The following CTPS2 variants were observed in gnomAD, a reference collection of about 807,000 sequenced individuals.
CTPS2 encodes the protein CTP synthase II.
Under a neutral mutation model 46.8 loss-of-function variants are expected in CTPS2, and 19 were observed. That is an observed-to-expected ratio of 0.41 (90% confidence interval 0.28 to 0.60). CTPS2 has a LOEUF of 0.60. Among genes scored for constraint, CTPS2 ranks in the 20% least tolerant of loss-of-function variants. CTPS2 has a pLI of 0.35. For synonymous variants in CTPS2, 151 were observed against 165.2 expected, an observed-to-expected ratio of 0.91 and a Z score of 0.66; for missense variants, 286 against 447.6, an observed-to-expected ratio of 0.64 and a Z score of 3.26.
chrX:16,700,199 C>A (rs1478932694), intron 2 of CTPS2, among the ~76,000 whole-genome samples: 2 of 107,441 alleles, frequency 1.9e-5, no homozygotes, highest in African/African-American at 6.8e-5. Flanking sequence ...TCACTGCAAC[C>A]TCTGACTCCC....
chrX:16,699,943 G>GT (rs1440191834), intron 2 of CTPS2, among the ~76,000 whole-genome samples: 35 of 100,916 alleles, frequency 3.5e-4, no homozygotes, highest in African/African-American at 9.3e-4. Flanking sequence ...TTTTTTCAAT[G>GT]TTTTTTTTTG....
chrX:16,658,220 A>C (rs1437181741), intron 13 of CTPS2, among the ~76,000 whole-genome samples: 1 of 110,492 alleles, frequency 9.1e-6, no homozygotes, highest in Non-Finnish European at 1.9e-5. Flanking sequence ...CAAAAAAAAA[A>C]AAAGGTGATT....
intron 17 of CTPS2, among the ~76,000 whole-genome samples, chrX:16,603,590 T>C (rs1245866741): frequency 1.9e-5 from 2 of 102,979 alleles, no homozygotes; most frequent in African/African-American, 7.4e-5. Flanking sequence ...TATATATCTA[T>C]ATAGATAGAT....
At chrX:16,698,879 A>C in intron 3 of CTPS2, 44 bp downstream of exon 3, 1 of 1,135,174 alleles carries the variant, frequency 8.8e-7, no homozygotes, top group Non-Finnish European at 1.2e-6. Flanking sequence ...CAGTACAAAG[A>C]TATTCAGCAC....
chrX:16,628,223 A>G (rs1569201687), intron 14 of CTPS2, among the ~76,000 whole-genome samples: 1 of 111,391 alleles, frequency 9.0e-6, no homozygotes, highest in African/African-American at 3.3e-5. Flanking sequence ...TTTAGTATCT[A>G]AACTCCTCCC....
chrX:16,661,946 A>G (rs1398352103), intron 13 of CTPS2, among the ~76,000 whole-genome samples: 1 of 108,417 alleles, frequency 9.2e-6, no homozygotes, highest in Non-Finnish European at 1.9e-5. Flanking sequence ...AAATGCTTAG[A>G]GTTAAGCACA....
chrX:16,680,064 AGCCGCTGCAGCTG>A (rs1922612148), intron 9 of CTPS2, among the ~76,000 whole-genome samples: 1 of 111,353 alleles, frequency 9.0e-6, no homozygotes, highest in African/African-American at 3.3e-5. Context: ...CCAGCCCGGA[AGCCGCTGCAGCTG>A]CAGCAAACCA....
chrX:16,662,674 G>A (rs1932994000), intron 13 of CTPS2, among the ~76,000 whole-genome samples: 1 of 105,668 alleles, frequency 9.5e-6, no homozygotes, highest in Non-Finnish European at 1.9e-5. Context: ...GGTGCTTGCT[G>A]CCTTATGATT....
chrX:16,615,469 A>G (rs371928346), intron 16 of CTPS2, among the ~76,000 whole-genome samples: 1 of 112,151 alleles, frequency 8.9e-6, no homozygotes. Flanking sequence ...CCAAAGCAAG[A>G]AGGTCACTGT....
intron 10 of CTPS2, among the ~76,000 whole-genome samples, chrX:16,674,701 G>C (rs753457091): frequency 1.9e-5 from 2 of 106,867 alleles, no homozygotes; most frequent in African/African-American, 3.5e-5. Flanking sequence ...AGCCGGGCGT[G>C]GTGGCAGGCG....
At chrX:16,616,968 T>C (rs1356876926) in intron 16 of CTPS2, among the ~76,000 whole-genome samples, 182 bp downstream of exon 16, 1 of 112,130 alleles carries the variant, frequency 8.9e-6, no homozygotes, top group African/African-American at 3.2e-5. Flanking sequence ...GTGCTGGGAT[T>C]ACAGGCGTGA....
chrX:16,674,655 G>A (rs1184261025), intron 10 of CTPS2, among the ~76,000 whole-genome samples: 409 of 104,316 alleles, frequency 3.9e-3, no homozygotes, highest in Non-Finnish European at 6.0e-3. Context: ...TGGCTAACAC[G>A]GTGAAACCCC....
chrX:16,603,999 C>A (rs1929829684), intron 17 of CTPS2, among the ~76,000 whole-genome samples: 1 of 111,368 alleles, frequency 9.0e-6, no homozygotes, highest in Non-Finnish European at 1.9e-5. Flanking sequence ...ACGGAAGGAA[C>A]TGGCTTCAGG....
At chrX:16,662,800 T>C (rs1377009040) in intron 13 of CTPS2, among the ~76,000 whole-genome samples, 2 of 109,664 alleles carry the variant, frequency 1.8e-5, no homozygotes, top group Non-Finnish European at 3.8e-5. Context: ...AGACGTTCAA[T>C]AGCAATTAGC....
chrX:16,675,483 T>C (rs1922192727), intron 10 of CTPS2, among the ~76,000 whole-genome samples: 1 of 111,988 alleles, frequency 8.9e-6, no homozygotes, highest in Non-Finnish European at 1.9e-5. Context: ...TTTGGCTTTC[T>C]TTGGGCTGTA....
At position 16,693,370 on chromosome X, in the gene CTPS2, C is replaced by A; in HGVS notation, c.555+1G>T. On this transcript the variant is annotated splice_donor_variant, in intron 5 of 18. Coordinates refer to ENST00000359276, the MANE Select transcript of CTPS2 (RefSeq NM_175859.3). LOFTEE classifies it high-confidence loss of function. ...TCCACATACTTATCTGGAAAGCCCA[C>A]CTGTGGGACAAGGCTAACGTGGATA... 8.5e-7 allele frequency: 1 copy of A among 1,182,146 alleles called. No individual in the cohort carries two copies. The highest frequency in any genetic ancestry group is 1.2e-6 in the Non-Finnish European group (1 of 868,825).
At chrX:16,681,702 C>T (rs746973373) in intron 9 of CTPS2, among the ~76,000 whole-genome samples, 13 of 110,606 alleles carry the variant, frequency 1.2e-4, no homozygotes, top group Non-Finnish European at 2.3e-4. Context: ...CATGCCACCA[C>T]ACCCGGCTAA....
intron 17 of CTPS2, among the ~76,000 whole-genome samples, chrX:16,591,200 A>G (rs759439243): frequency 8.9e-6 from 1 of 112,161 alleles, no homozygotes; most frequent in African/African-American, 3.2e-5. Flanking sequence ...TTGAAAGTAG[A>G]TTGCCTTCCT....
At chrX:16,650,747 G>A (rs972885228) in intron 13 of CTPS2, among the ~76,000 whole-genome samples, 1 of 110,186 alleles carries the variant, frequency 9.1e-6, no homozygotes, top group Non-Finnish European at 1.9e-5. Flanking sequence ...CTGACTTCAA[G>A]TGATCCACCC....
Sources: gnomAD v4.1 joint callset for allele counts (sites outside exome capture counted in the v4.1 genomes callset) on GRCh38, gnomAD v4.1.1 for gene constraint, MANE v1.5 for transcripts, NCBI Gene and HGNC (gene_info 2026-07-23, HGNC 2026-07-21) for gene names.